The following TTC39A variants were observed in gnomAD, a reference collection of about 807,000 sequenced individuals.
TTC39A encodes the protein tetratricopeptide repeat domain 39A.
TTC39A carries 46 observed loss-of-function variants against 82.3 expected under a neutral mutation model. The observed-to-expected ratio is 0.56, with a 90% confidence interval of 0.44 to 0.71. TTC39A has a LOEUF of 0.71. Ranked by LOEUF, TTC39A falls within the 30% of genes least tolerant of loss-of-function variation. The pLI is 0.00. For missense variants in TTC39A, 543 were observed against 712.9 expected (o/e 0.76, Z 2.71); for synonymous variants, 254 against 275.2 (o/e 0.92, Z 0.76).
intron 1 of TTC39A, among the ~76,000 whole-genome samples, chr1:51,344,341 T>C (rs1570036936): frequency 6.6e-6 from 1 of 152,154 alleles, no homozygotes; most frequent in East Asian, 1.9e-4. Context: ...CGGGGAGGGC[T>C]GAACCTCAGA....
Position 51,330,425 on chromosome 1 carries a change from C to A in TTC39A, c.41+12G>T. The A allele has an allele frequency of 2.0e-6, 2 of 982,314 alleles. No individual in the cohort carries two copies. The highest frequency in any genetic ancestry group is 2.4e-6 in the Non-Finnish European group (2 of 829,460). 60.8% of individuals were successfully genotyped at this position (982,314 alleles called of 1,614,324 possible). On this transcript the variant is annotated intron_variant, in intron 1 of 17. Transcript: ENST00000680483. The surrounding 1 kb of genome is among the most constrained non-coding windows in gnomAD (Gnocchi z 4.5). ...CCGCCCGCGCCCCCGGGCCTCCCAG[C>A]CGCGCACTTACCCCGCGGGCAGGGC...
In TTC39A at chr1:51,303,100, G is replaced by A; in HGVS notation, c.747C>T (p.Phe249=). 1 of 1,591,604 alleles carries A rather than the reference G, an allele frequency of 6.3e-7. No individual in the cohort carries two copies. Among genetic ancestry groups the A allele is most frequent in the South Asian group, 1.1e-5 (1 of 87,340 alleles). ...TACACCTACCGAGCACGAAGGTGAG[G>A]AAGGTGTGGTAGCACAGCAGGAGCA... ...CVMLLLCYHT[F]LTFVLGTGNV... Residue 249 remains phenylalanine (F), a synonymous_variant, in exon 9 of 18, where the codon TTC becomes TTT. Coordinates refer to ENST00000680483, the MANE Select transcript of TTC39A (RefSeq NM_001297663.2).
chr1:51,305,627 G>A (rs1221518819), intron 7 of TTC39A: 2 of 351,726 alleles, frequency 5.7e-6, no homozygotes, highest in Non-Finnish European at 1.1e-5. Context: ...CTCCTTCCCT[G>A]ACACTGGTAA....
chr1:51,329,266 G>T (rs1419216119), intron 1 of TTC39A, among the ~76,000 whole-genome samples: 1 of 152,170 alleles, frequency 6.6e-6, no homozygotes, highest in East Asian at 1.9e-4. Context: ...CAGGGTGGTG[G>T]TGCTCAGTCA....
At chr1:51,331,278 C>T (rs1221243124), upstream of TTC39A, 4 of 1,547,960 alleles carry the variant, frequency 2.6e-6, no homozygotes, top group African/African-American at 2.7e-5. Flanking sequence ...TCACCCACAA[C>T]GCTCCCCAAA....
chr1:51,334,519 C>T (rs943904134), upstream of TTC39A, among the ~76,000 whole-genome samples: 20 of 151,756 alleles, frequency 1.3e-4, no homozygotes, highest in East Asian at 3.9e-4. Context: ...AAAAAAAGCC[C>T]GGCATGGGGT....
intron 14 of TTC39A, among the ~76,000 whole-genome samples, chr1:51,291,819 A>T (rs1385209331): frequency 6.6e-6 from 1 of 151,546 alleles, no homozygotes; most frequent in East Asian, 1.9e-4. Context: ...AAAAAAAAAA[A>T]AATTCTTTTC....
intron 2 of TTC39A, among the ~76,000 whole-genome samples, chr1:51,313,976 C>T (rs115769419): frequency 3.5e-4 from 54 of 152,368 alleles, no homozygotes; most frequent in African/African-American, 1.3e-3. Context: ...AACTGAGGCA[C>T]GGGCCACGCT....
chr1:51,315,086 G>T (rs1645234867), intron 2 of TTC39A, among the ~76,000 whole-genome samples: 1 of 151,922 alleles, frequency 6.6e-6, no homozygotes, highest in African/African-American at 2.4e-5. Context: ...TCCCACTGCA[G>T]GTCTGAGGCC....
chr1:51,309,204 C>G, intron 6 of TTC39A, 57 bp downstream of exon 6: 1 of 1,554,874 alleles, frequency 6.4e-7, no homozygotes. Context: ...AGGGGGACAG[C>G]CTAGCAGATG....
intron 1 of TTC39A, among the ~76,000 whole-genome samples, chr1:51,338,342 C>T (rs557632918): frequency 2.0e-5 from 3 of 152,146 alleles, no homozygotes; most frequent in African/African-American, 7.2e-5. Context: ...GAAAGCAAGG[C>T]TTCCCTGGTC....
rs1035572103 is a variant in TTC39A at position 51,345,017 on chromosome 1, C to A, written c.27G>T (p.Glu9Asp). 1.4e-5 allele frequency: 21 copies of A among 1,522,212 alleles called. No individual in the cohort carries two copies. In the African/African-American group the frequency reaches 2.4e-4, roughly 18 times the overall value. 94.3% of individuals were successfully genotyped at this position (1,522,212 alleles called of 1,614,324 possible). A position where few individuals can be genotyped will look rare whatever the true frequency, so the allele number is the denominator to read the frequency against. Residue 9 changes from glutamate (E) to aspartate (D), a missense_variant, in exon 1 of 6, where the codon GAG becomes GAT. Glu to Asp is a conservative substitution (Grantham distance 45). Transcript: ENST00000401051. The stretch of plus-strand genomic sequence containing the variant: ...TGCGGTCGCTTTTCCCGGAGGCCGC[C>A]TCCTTCCAGGTGGTCAGAAAGGCCA...
upstream of TTC39A, among the ~76,000 whole-genome samples, chr1:51,334,195 CAAAAAAAAAAAA>C (rs763569273): frequency 9.2e-4 from 35 of 38,064 alleles, 1 homozygote; most frequent in Non-Finnish European, 2.7e-4. Flanking sequence ...CCTGTCTCTA[CAAAAAAAAAAAA>C]AAAAAAAAAG....
chr1:51,343,605 C>G lies in TTC39A; in HGVS notation c.53+1386G>C, dbSNP rs138348068. ...TTTACTTGTCTACTTGTTTATGTCTCTCTTACTAGAACCTGGTTGCCAAGA... is the reference window on the plus strand; with the variant it reads ...TTTACTTGTCTACTTGTTTATGTCTGTCTTACTAGAACCTGGTTGCCAAGA... On this transcript the variant is annotated intron_variant, in intron 1 of 5. Transcript: ENST00000401051. Among the ~76,000 whole-genome samples, 597 of 152,318 alleles carry G rather than the reference C, an allele frequency of 3.9e-3. 12 individuals carry two copies. The highest frequency in any genetic ancestry group is 0.022 in the Admixed American group (331 of 15,298).
chr1:51,342,288 C>T (rs943411539), intron 1 of TTC39A, among the ~76,000 whole-genome samples: 2 of 152,124 alleles, frequency 1.3e-5, no homozygotes, highest in Admixed American at 6.5e-5. Context: ...TTCAGAATCC[C>T]CTCTGCTCAA....
chr1:51,338,953 G>A (rs960328228), intron 1 of TTC39A, among the ~76,000 whole-genome samples: 2 of 152,030 alleles, frequency 1.3e-5, no homozygotes, highest in Non-Finnish European at 2.9e-5. Context: ...TCAGCCCTTT[G>A]GTACACCTTT....
At chr1:51,305,393 G>C in intron 7 of TTC39A, 1 of 431,666 alleles carries the variant, frequency 2.3e-6, no homozygotes, top group Non-Finnish European at 4.3e-6. Flanking sequence ...GGTTCCTGAG[G>C]CTAAATCTTC....
At position 51,288,120 on chromosome 1, in the gene TTC39A, CTG is replaced by C. The variant is rs748689065; in HGVS notation, c.*35_*36del. On this transcript the variant is annotated 3_prime_UTR_variant, in exon 18 of 18. Coordinates refer to ENST00000680483, the MANE Select transcript of TTC39A (RefSeq NM_001297663.2). This position sits in a 1 kb window ranked among gnomAD's most constrained non-coding sequence, Gnocchi z 4.8. The stretch of plus-strand genomic sequence containing the variant: ...AAATGTTTTCAGGAGCTCTGTCCAG[CTG>C]TCTCTGTCTTCCAGCCCGGAACTGC... 51 of 1,613,004 alleles carry C rather than the reference CTG, an allele frequency of 3.2e-5. 1 individual carries two copies. The South Asian group carries it at 5.4e-4, about 17-fold the overall frequency.
Position 51,294,823 on chromosome 1 carries a change from G to A in TTC39A, c.1146-312C>T, listed in dbSNP as rs1325307464. Among the ~76,000 whole-genome samples, 1 of 152,180 alleles carries A rather than the reference G, an allele frequency of 6.6e-6. No homozygotes were observed. Among genetic ancestry groups the A allele is most frequent in the Non-Finnish European group, 1.5e-5 (1 of 68,030 alleles). Reference sequence around the variant, plus strand: ...TCCTAGTTATCGCCTCCACTCCCAGGCTCCATTTCTGGGGAGGATCCAAGA... The same window carrying A: ...TCCTAGTTATCGCCTCCACTCCCAGACTCCATTTCTGGGGAGGATCCAAGA... On this transcript the variant is annotated intron_variant, in intron 13 of 17. Transcript: ENST00000680483. This position sits in a 1 kb window ranked among gnomAD's most constrained non-coding sequence, Gnocchi z 4.3.
Sources: allele counts gnomAD v4.1 joint callset (sites outside exome capture counted in the v4.1 genomes callset), GRCh38; gene constraint gnomAD v4.1.1; non-coding constraint Gnocchi (gnomAD v3.1); transcripts MANE v1.5; gene names NCBI Gene and HGNC (gene_info 2026-07-23, HGNC 2026-07-21).